The following CSMD1 variants were observed in gnomAD, a reference collection of about 807,000 sequenced individuals.
The protein encoded by CSMD1 is CUB and Sushi multiple domains 1, also known as CUB and sushi domain-containing protein 1.
In CSMD1, 213 loss-of-function variants were observed where a neutral mutation model predicts 417.5. That is an observed-to-expected ratio of 0.51 (90% CI 0.46 to 0.57). The LOEUF (loss-of-function observed/expected upper bound fraction) is 0.57, where lower values mean the gene tolerates loss of function less well. Among genes scored for constraint, CSMD1 ranks in the 20% least tolerant of loss-of-function variants. The pLI is 0.00. For missense variants in CSMD1, 6,923 were observed against 4,529.7 expected (o/e 1.53, Z -15.17); for synonymous variants, 2,862 against 1,736.8 (o/e 1.65, Z -16.11).
chr8:4,320,776 G>A (rs897571163), intron 3 of CSMD1, among the ~76,000 whole-genome samples: 1 of 152,116 alleles, frequency 6.6e-6, no homozygotes, highest in African/African-American at 2.4e-5. Context: ...ATTTGGATTG[G>A]TGATTCCTCA....
At chr8:3,733,590 C>G (rs1229262867) in intron 6 of CSMD1, among the ~76,000 whole-genome samples, 1 of 151,942 alleles carries the variant, frequency 6.6e-6, no homozygotes, top group Non-Finnish European at 1.5e-5. Context: ...TGTGATGAAA[C>G]CCTGCACCGC....
chr8:4,985,523 A>G (rs1175334536), intron 1 of CSMD1, among the ~76,000 whole-genome samples: 1 of 152,154 alleles, frequency 6.6e-6, no homozygotes, highest in Non-Finnish European at 1.5e-5. Context: ...AAGTCTTCCC[A>G]ATTCTCTTCC....
chr8:3,883,356 A>T lies in CSMD1; in HGVS notation c.818+114547T>A, dbSNP rs1363405256. Among the ~76,000 whole-genome samples, 9 of 152,300 alleles carry T rather than the reference A, an allele frequency of 5.9e-5. No individual in the cohort carries two copies. In the East Asian group the frequency reaches 1.4e-3, roughly 23 times the overall value. On this transcript the variant is annotated intron_variant, in intron 5 of 69. Transcript: ENST00000635120. Reference sequence around the variant, plus strand: ...CTGGACACTAAAAAAGTCAATTAACATGAAGTTTTCCAGCTATCGATTTCT... The same window carrying T: ...CTGGACACTAAAAAAGTCAATTAACTTGAAGTTTTCCAGCTATCGATTTCT...
intron 1 of CSMD1, among the ~76,000 whole-genome samples, chr8:4,673,911 G>C (rs754128105): frequency 6.6e-6 from 1 of 152,112 alleles, no homozygotes; most frequent in Non-Finnish European, 1.5e-5. Context: ...TACAGGGTTT[G>C]GGAGGATAGA....
chr8:4,080,638 T>C (rs1314526892), intron 3 of CSMD1, among the ~76,000 whole-genome samples: 1 of 152,180 alleles, frequency 6.6e-6, no homozygotes, highest in Non-Finnish European at 1.5e-5. Context: ...ATTTTATCAG[T>C]TTTATTAGCA....
chr8:4,796,286 G>C (rs949874242), intron 1 of CSMD1, among the ~76,000 whole-genome samples: 9 of 151,970 alleles, frequency 5.9e-5, no homozygotes, highest in Admixed American at 2.0e-4. Flanking sequence ...CAGAGGATTT[G>C]GCAGAAGGCA....
At chr8:4,115,934 G>A (rs528230044) in intron 3 of CSMD1, among the ~76,000 whole-genome samples, 9 of 152,024 alleles carry the variant, frequency 5.9e-5, no homozygotes, top group African/African-American at 2.2e-4. Context: ...GCAGGGAGAA[G>A]TAAACACCAA....
chr8:3,959,291 A>G (rs558103131), intron 5 of CSMD1, among the ~76,000 whole-genome samples: 1 of 152,166 alleles, frequency 6.6e-6, no homozygotes, highest in Admixed American at 6.5e-5. Flanking sequence ...GAGGCCAGAA[A>G]TGTGGGATCA....
intron 5 of CSMD1, among the ~76,000 whole-genome samples, chr8:3,926,866 C>T (rs1231522724): frequency 2.0e-5 from 3 of 151,486 alleles, no homozygotes; most frequent in African/African-American, 4.8e-5. Flanking sequence ...CAGGCATGTG[C>T]CACGACACCC....
At chr8:3,422,026 T>C (rs1167722922) in intron 12 of CSMD1, among the ~76,000 whole-genome samples, 4 of 152,014 alleles carry the variant, frequency 2.6e-5, no homozygotes, top group Non-Finnish European at 5.9e-5. Context: ...ACAGATGTCT[T>C]AGAGCGTGAG....
intron 1 of CSMD1, among the ~76,000 whole-genome samples, chr8:4,975,384 T>C (rs1312367155): frequency 6.6e-6 from 1 of 152,258 alleles, no homozygotes; most frequent in Non-Finnish European, 1.5e-5. Context: ...GTATTCCTTT[T>C]ACTTCCTGGC....
At chr8:3,455,335 C>T (rs6992384) in intron 12 of CSMD1, among the ~76,000 whole-genome samples, 31,350 of 152,152 alleles carry the variant, frequency 0.21, 3,641 homozygotes, top group African/African-American at 0.31. Flanking sequence ...CTCTGTCCAA[C>T]GTTGCTCCAT....
intron 15 of CSMD1, among the ~76,000 whole-genome samples, chr8:3,402,878 A>G (rs1041320011): frequency 3.6e-4 from 54 of 151,288 alleles, no homozygotes; most frequent in African/African-American, 1.1e-3. Context: ...TTATTTTTTG[A>G]TCATTTTGTT....
intron 5 of CSMD1, among the ~76,000 whole-genome samples, chr8:3,965,085 C>G (rs911633477): frequency 3.3e-5 from 5 of 152,178 alleles, no homozygotes; most frequent in African/African-American, 1.2e-4. Flanking sequence ...GCCGCAGTAG[C>G]TGACTTAGTA....
intron 6 of CSMD1, among the ~76,000 whole-genome samples, chr8:3,740,498 C>T (rs1796742899): frequency 1.3e-5 from 2 of 152,130 alleles, no homozygotes; most frequent in South Asian, 2.1e-4. Context: ...GTAAAATACT[C>T]AGAGGAGGGT....
chr8:3,640,967 A>G (rs1332328602), intron 7 of CSMD1, among the ~76,000 whole-genome samples: 1 of 151,776 alleles, frequency 6.6e-6, no homozygotes, highest in Non-Finnish European at 1.5e-5. Context: ...CGTATGTTAA[A>G]TAAGCTTTAG....
chr8:4,122,030 T>G (rs1414334396), intron 3 of CSMD1, among the ~76,000 whole-genome samples: 1 of 152,034 alleles, frequency 6.6e-6, no homozygotes, highest in Non-Finnish European at 1.5e-5. Flanking sequence ...ATCTATAAAC[T>G]TTATTGTATA....
chr8:4,643,849 T>G (rs1803353131), intron 1 of CSMD1, among the ~76,000 whole-genome samples: 1 of 152,144 alleles, frequency 6.6e-6, no homozygotes, highest in South Asian at 2.1e-4. Flanking sequence ...ATTAAGGGTT[T>G]TCAGAATTAA....
At chr8:3,601,435 G>C (rs1801355782) in intron 8 of CSMD1, among the ~76,000 whole-genome samples, 2 of 152,160 alleles carry the variant, frequency 1.3e-5, no homozygotes, top group Non-Finnish European at 2.9e-5. Flanking sequence ...AGAAAAGCAA[G>C]CCCATCTGTA....
Sources: allele counts gnomAD v4.1 joint callset (sites outside exome capture counted in the v4.1 genomes callset), GRCh38; gene constraint gnomAD v4.1.1; transcripts MANE v1.5; gene names NCBI Gene and HGNC (gene_info 2026-07-23, HGNC 2026-07-21).